The following GAB2 variants were observed in gnomAD, a reference collection of about 807,000 sequenced individuals.
The protein encoded by GAB2 is GRB2 associated binding protein 2, also known as GRB2-associated-binding protein 2.
A neutral mutation model predicts 65.5 loss-of-function variants in GAB2; 26 were observed. That is an observed-to-expected ratio of 0.40 (90% CI 0.29 to 0.55). The LOEUF (loss-of-function observed/expected upper bound fraction) is 0.55, where lower values mean the gene tolerates loss of function less well. GAB2 is among the 20% of genes least tolerant of loss of function. The pLI is 0.53. For synonymous variants in GAB2, 321 were observed against 329.6 expected (o/e 0.97, Z 0.28); for missense variants, 884 against 875.8 (o/e 1.01, Z -0.12).
intron 1 of GAB2, among the ~76,000 whole-genome samples, chr11:78,371,826 A>C (rs1417572559): frequency 6.6e-6 from 1 of 152,230 alleles, no homozygotes; most frequent in Non-Finnish European, 1.5e-5. Flanking sequence ...AAAGGTAGAA[A>C]AAAAATAAAT....
At chr11:78,387,110 T>C (rs1374514210) in intron 1 of GAB2, among the ~76,000 whole-genome samples, 1 of 152,198 alleles carries the variant, frequency 6.6e-6, no homozygotes, top group Non-Finnish European at 1.5e-5. Context: ...GGCTAGGTCA[T>C]AGCTCACTGT....
chr11:78,394,403 A>C (rs994577819), intron 1 of GAB2, among the ~76,000 whole-genome samples: 5 of 152,220 alleles, frequency 3.3e-5, no homozygotes, highest in Non-Finnish European at 7.3e-5. Context: ...CAGAGATAAG[A>C]GGGGAAATCT....
At chr11:78,409,292 T>C (rs932420183) in intron 1 of GAB2, among the ~76,000 whole-genome samples, 1 of 152,072 alleles carries the variant, frequency 6.6e-6, no homozygotes, top group African/African-American at 2.4e-5. Context: ...TGTGTATATA[T>C]TGAACAACAG....
rs149078323 is a variant in GAB2, at chr11:78,301,433, G to A, written c.76-20532C>T. 8.8e-3 allele frequency among the ~76,000 whole-genome samples: 1,326 copies of A among 150,416 alleles called. 30 individuals carry two copies. The highest frequency in any genetic ancestry group is 0.031 in the African/African-American group (1,274 of 40,808). On this transcript the variant is annotated intron_variant, in intron 1 of 9. Coordinates refer to ENST00000361507, the MANE Select transcript of GAB2 (RefSeq NM_080491.3). Reference sequence around the variant, plus strand: ...CAACCTCTGCCTCCCAAGTTCAAGCGATTCTCCCACTTCAGCCTCCTGAGC... The same window carrying A: ...CAACCTCTGCCTCCCAAGTTCAAGCAATTCTCCCACTTCAGCCTCCTGAGC...
chr11:78,341,669 G>C (rs1856097367), intron 1 of GAB2: 2 of 616,420 alleles, frequency 3.2e-6, no homozygotes, highest in East Asian at 1.4e-4. Context: ...TGTCACTCTT[G>C]GGGTCTTGTT....
rs185401044 is a variant in GAB2, at chr11:78,219,487, C to T, written c.1888-72G>A. On this transcript the variant is annotated intron_variant, in intron 9 of 9. Coordinates refer to ENST00000361507, the MANE Select transcript of GAB2 (RefSeq NM_080491.3). ...TAGGTGGGGAGGAAGAAGGTGGGCACGGGATCTTCCTGAGCTGTCTGAAGG... is the reference window on the plus strand; with the variant it reads ...TAGGTGGGGAGGAAGAAGGTGGGCATGGGATCTTCCTGAGCTGTCTGAAGG... 2,327 of 1,407,902 alleles carry T rather than the reference C, an allele frequency of 1.7e-3. 4 individuals are homozygous for T. The highest frequency in any genetic ancestry group is 2.1e-3 in the Non-Finnish European group (2,134 of 1,001,584). The allele number at this position is 1,407,902 out of a possible 1,614,324, so 87.2% of individuals were successfully genotyped here.
At chr11:78,294,302 A>T (rs1007971069) in intron 1 of GAB2, among the ~76,000 whole-genome samples, 22 of 152,144 alleles carry the variant, frequency 1.4e-4, no homozygotes, top group Non-Finnish European at 7.4e-5. Context: ...CATTTTCTTA[A>T]TCCAGTCTAT....
intron 1 of GAB2, among the ~76,000 whole-genome samples, chr11:78,325,435 T>C (rs750386261): frequency 1.4e-4 from 22 of 152,176 alleles, no homozygotes; most frequent in African/African-American, 1.9e-4. Context: ...ACCAAGTAAT[T>C]TGAGTCCTAG....
At chr11:78,355,191 G>C (rs927904135) in intron 1 of GAB2, among the ~76,000 whole-genome samples, 9 of 152,200 alleles carry the variant, frequency 5.9e-5, no homozygotes, top group Admixed American at 5.2e-4. Flanking sequence ...AGCACTTTAT[G>C]TGACTTGAGG....
chr11:78,238,174 C>T (rs1481750353), intron 3 of GAB2, among the ~76,000 whole-genome samples: 3 of 146,704 alleles, frequency 2.0e-5, no homozygotes, highest in Non-Finnish European at 4.4e-5. Flanking sequence ...CACATGCACC[C>T]TGCAACTTAA....
chr11:78,409,005 C>T (rs1187436345), intron 1 of GAB2, among the ~76,000 whole-genome samples: 1 of 152,098 alleles, frequency 6.6e-6, no homozygotes, highest in Non-Finnish European at 1.5e-5. Context: ...TACACCCCAA[C>T]AATATGCCAC....
chr11:78,307,604 TAGAGAG>T (rs59402607), intron 1 of GAB2, among the ~76,000 whole-genome samples: 46 of 121,938 alleles, frequency 3.8e-4, no homozygotes, highest in East Asian at 5.1e-4. Context: ...CAAAAAATGT[TAGAGAG>T]AGAGAGAGAG....
At chr11:78,401,505 CGTGTGTGT>C (rs34474918) in intron 1 of GAB2, among the ~76,000 whole-genome samples, 1,524 of 125,008 alleles carry the variant, frequency 0.012, 47 homozygotes, top group African/African-American at 0.042. Context: ...GAACAGTATT[CGTGTGTGT>C]GTGTGTGTGT....
Position 78,401,505 on chromosome 11 carries a change from C to CCT in GAB2, c.75+16140_75+16141insAG, listed in dbSNP as rs1555000328. On this transcript the variant is annotated intron_variant, in intron 1 of 9. Transcript: ENST00000361507. ...TTCCCTTTTAAGGCTGAACAGTATT[C>CCT]GTGTGTGTGTGTGTGTGTGTGTGTG... 5.1e-3 allele frequency among the ~76,000 whole-genome samples: 636 copies of CCT among 125,006 alleles called. 15 individuals are homozygous for CCT. The highest frequency in any genetic ancestry group is 0.018 in the African/African-American group (596 of 33,842). The allele number at this position is 125,006 out of a possible 152,430, so 82.0% of individuals were successfully genotyped here.
chr11:78,280,497 C>T lies in GAB2; in HGVS notation c.376+104G>A, dbSNP rs965632728. On this transcript the variant is annotated intron_variant, in intron 2 of 9. Coordinates refer to ENST00000361507, the MANE Select transcript of GAB2 (RefSeq NM_080491.3). ...ACTCTTTACCCTTTATCTATGAACG[C>T]TCTTCCAACAGGAAACCTTAGCTAG... is the stretch of plus-strand genomic sequence containing the variant. 4 of 923,168 alleles carry T rather than the reference C, an allele frequency of 4.3e-6. No individual in the cohort carries two copies. In the African/African-American group the frequency reaches 6.6e-5, roughly 15 times the overall value. 57.2% of individuals were successfully genotyped at this position (923,168 alleles called of 1,614,324 possible).
At chr11:78,368,973 T>A (rs1312456317) in intron 1 of GAB2, among the ~76,000 whole-genome samples, 1 of 151,688 alleles carries the variant, frequency 6.6e-6, no homozygotes, top group East Asian at 1.9e-4. Context: ...TAAATTTACT[T>A]ATTAAATAAA....
intron 2 of GAB2, among the ~76,000 whole-genome samples, chr11:78,266,094 A>G (rs1159997136): frequency 6.6e-6 from 1 of 151,134 alleles, no homozygotes; most frequent in Non-Finnish European, 1.5e-5. Flanking sequence ...GCATGCTTGT[A>G]ATCCCAGCTA....
At chr11:78,357,159 T>TTTCA (rs991773735) in intron 1 of GAB2, among the ~76,000 whole-genome samples, 1 of 152,206 alleles carries the variant, frequency 6.6e-6, no homozygotes, top group Non-Finnish European at 1.5e-5. Context: ...GTTATATATG[T>TTTCA]TTCATTCACC....
chr11:78,283,834 C>A (rs1289963152), intron 1 of GAB2, among the ~76,000 whole-genome samples: 2 of 152,144 alleles, frequency 1.3e-5, no homozygotes, highest in African/African-American at 4.8e-5. Context: ...CTCCTCTTCA[C>A]CTCCCTGACA....
Sources: allele counts gnomAD v4.1 joint callset (sites outside exome capture counted in the v4.1 genomes callset), GRCh38; gene constraint gnomAD v4.1.1; transcripts MANE v1.5; gene names NCBI Gene and HGNC (gene_info 2026-07-23, HGNC 2026-07-21).